ATAD1: variants seen among roughly 807,000 people sequenced by gnomAD.
ATAD1 encodes the protein ATPase family AAA domain containing 1.
In ATAD1, 18 loss-of-function variants were observed where a neutral mutation model predicts 42.7. That is an observed-to-expected ratio of 0.42 (90% confidence interval 0.29 to 0.63). The LOEUF (loss-of-function observed/expected upper bound fraction) is 0.63. Ranked by LOEUF, ATAD1 falls within the 20% of genes least tolerant of loss-of-function variation. The pLI is 0.19. For missense variants in ATAD1, 294 were observed against 440.4 expected (o/e 0.67, Z 2.98); for synonymous variants, 132 against 143.1 (o/e 0.92, Z 0.55).
intron 1 of ATAD1, among the ~76,000 whole-genome samples, chr10:87,840,499 G>A (rs190142270): frequency 0.02 from 3,084 of 152,142 alleles, 45 homozygotes; most frequent in Middle Eastern, 0.048. Context: ...AAAGAAAAAA[G>A]AAAATGATAA....
At chr10:87,816,289 C>T (rs1857411414) in intron 1 of ATAD1, among the ~76,000 whole-genome samples, 1 of 152,132 alleles carries the variant, frequency 6.6e-6, no homozygotes, top group Non-Finnish European at 1.5e-5. Flanking sequence ...TCAATCATTG[C>T]AACAGTCACT....
intron 5 of ATAD1, among the ~76,000 whole-genome samples, chr10:87,780,705 T>C (rs1855522251): frequency 6.6e-6 from 1 of 152,248 alleles, no homozygotes; most frequent in Non-Finnish European, 1.5e-5. Context: ...AACCTTGATG[T>C]GATTATGCTA....
intron 4 of ATAD1, among the ~76,000 whole-genome samples, chr10:87,789,170 T>C (rs1327772618): frequency 1.3e-5 from 2 of 152,196 alleles, no homozygotes; most frequent in Non-Finnish European, 2.9e-5. Context: ...AATTTAAACA[T>C]ACATAATGCT....
At chr10:87,798,657 T>TGTGTGTGTGTGTGTGTGTGTG (rs1349200937) in intron 2 of ATAD1, among the ~76,000 whole-genome samples, 24 of 149,968 alleles carry the variant, frequency 1.6e-4, no homozygotes, top group African/African-American at 2.2e-4. Flanking sequence ...TGTGTGTGTA[T>TGTGTGTGTGTGTGTGTGTGTG]TTAAAATGCC....
intron 1 of ATAD1, among the ~76,000 whole-genome samples, chr10:87,839,088 C>T (rs1037934131): frequency 2.0e-5 from 3 of 152,108 alleles, no homozygotes; most frequent in Non-Finnish European, 2.9e-5. Context: ...AGCTGAATTT[C>T]TAGACAGAAA....
rs546096954 is a variant in ATAD1, at chr10:87,818,173, G to A, written c.-20C>T. The A allele has an allele frequency of 1.4e-3, 1,346 of 985,664 alleles. 4 individuals carry two copies. Among genetic ancestry groups the A allele is most frequent in the Non-Finnish European group, 1.5e-3 (1,277 of 830,090 alleles). 61.1% of individuals were successfully genotyped at this position (985,664 alleles called of 1,614,324 possible). ...ACGGGAACCAGCTACTCACCCAGGGGCAGAAACAGCAAGAGCAAGTGCCCT... is the reference window on the plus strand; with the variant it reads ...ACGGGAACCAGCTACTCACCCAGGGACAGAAACAGCAAGAGCAAGTGCCCT... On this transcript the variant is annotated 5_prime_UTR_variant, in exon 1 of 10. Transcript: ENST00000680024.
intron 2 of ATAD1, among the ~76,000 whole-genome samples, chr10:87,793,247 C>A (rs1243007719): frequency 6.6e-6 from 1 of 152,194 alleles, no homozygotes; most frequent in Non-Finnish European, 1.5e-5. Flanking sequence ...CCACACATAT[C>A]CCATTTTAAA....
rs71022506 is a variant in ATAD1 at position 87,798,625 on chromosome 10, GGT to G, written c.163-5872_163-5871del. ...AAGTTCCAAAGTAAAAGCTATAGGGGGTGTGTGTGTGTGTGTGTGTGTGTGTG... is the reference window on the plus strand; with the variant it reads ...AAGTTCCAAAGTAAAAGCTATAGGGGGTGTGTGTGTGTGTGTGTGTGTGTG... On this transcript the variant is annotated intron_variant, in intron 2 of 9. Coordinates refer to ENST00000680024, the MANE Select transcript of ATAD1 (RefSeq NM_001321967.2). Among the ~76,000 whole-genome samples the G allele has an allele frequency of 1.7e-3, 212 of 124,534 alleles. 1 individual carries two copies. The highest frequency in any genetic ancestry group is 8.1e-3 in the Middle Eastern group (2 of 246). The allele number at this position is 124,534 out of a possible 152,430, so 81.7% of individuals were successfully genotyped here.
intron 1 of ATAD1, among the ~76,000 whole-genome samples, chr10:87,827,563 C>T (rs72814134): frequency 0.37 from 56,782 of 151,916 alleles, 11,184 homozygotes; most frequent in Non-Finnish European, 0.44. Context: ...ATATCTGTTA[C>T]GGTGATCTGT....
intron 8 of ATAD1, among the ~76,000 whole-genome samples, chr10:87,764,200 C>T (rs977009733): frequency 6.6e-6 from 1 of 151,978 alleles, no homozygotes; most frequent in African/African-American, 2.4e-5. Flanking sequence ...TGGCTCATGC[C>T]TGAAATCCCA....
intron 8 of ATAD1, among the ~76,000 whole-genome samples, chr10:87,761,667 C>T: frequency 6.6e-6 from 1 of 151,986 alleles, no homozygotes; most frequent in African/African-American, 2.4e-5. Flanking sequence ...AAAAAAAATT[C>T]CCTGTAGCCA....
At chr10:87,760,931 T>C (rs1311191826) in intron 8 of ATAD1, among the ~76,000 whole-genome samples, 1 of 152,178 alleles carries the variant, frequency 6.6e-6, no homozygotes, top group Non-Finnish European at 1.5e-5. Flanking sequence ...ATCACTACAC[T>C]ATCTTTTTAA....
upstream of ATAD1, chr10:87,819,325 G>T (rs951735821): frequency 4.1e-5 from 6 of 148,008 alleles, no homozygotes; most frequent in East Asian, 4.0e-4. Context: ...GGTGGCGCAT[G>T]TCTGTAGTCC....
At chr10:87,814,371 T>A (rs1374530638) in intron 2 of ATAD1, 67 bp downstream of exon 2, 2 of 1,455,744 alleles carry the variant, frequency 1.4e-6, no homozygotes, top group Non-Finnish European at 1.8e-6. Context: ...CTCTACCAAA[T>A]TTTTAGTTTG....
At chr10:87,775,990 A>C (rs1414148591) in intron 6 of ATAD1, among the ~76,000 whole-genome samples, 1 of 152,196 alleles carries the variant, frequency 6.6e-6, no homozygotes, top group Non-Finnish European at 1.5e-5. Context: ...TTTTTAAAAA[A>C]ATGTACACAA....
upstream of ATAD1, chr10:87,819,263 C>CAAAAAAAAAAAAAAAAAAAAAAAAAA (rs57941047): frequency 1.9e-5 from 1 of 53,716 alleles, no homozygotes; most frequent in Non-Finnish European, 3.3e-5. Flanking sequence ...ATCGTCTCTA[C>CAAAAAAAAAAAAAAAAAAAAAAAAAA]AAAAAAAAAA....
chr10:87,816,781 C>A (rs1857435765), intron 1 of ATAD1, among the ~76,000 whole-genome samples: 1 of 152,158 alleles, frequency 6.6e-6, no homozygotes, highest in Non-Finnish European at 1.5e-5. Flanking sequence ...TATATCACTA[C>A]GTGGGGTATA....
chr10:87,759,073 G>C (rs1329596688), intron 8 of ATAD1, among the ~76,000 whole-genome samples: 1 of 152,150 alleles, frequency 6.6e-6, no homozygotes, highest in South Asian at 2.1e-4. Flanking sequence ...CTTTAAGTCT[G>C]ATTATAGTCA....
chr10:87,818,332 A>G (rs531496748), upstream of ATAD1: 344 of 904,108 alleles, frequency 3.8e-4, no homozygotes, highest in African/African-American at 4.9e-4. Context: ...CCAGGCTTAG[A>G]AACAGTGAGG....
Sources: allele counts gnomAD v4.1 joint callset (sites outside exome capture counted in the v4.1 genomes callset), GRCh38; gene constraint gnomAD v4.1.1; transcripts MANE v1.5; gene names NCBI Gene and HGNC (gene_info 2026-07-23, HGNC 2026-07-21).